NARS2: variants seen among roughly 807,000 people sequenced by gnomAD.
NARS2 encodes the protein asparaginyl-tRNA synthetase 2, mitochondrial, also known as asparaginyl-tRNA synthetase.
NARS2 carries 60 observed loss-of-function variants against 62.9 expected under a neutral mutation model. The ratio of observed to expected loss-of-function variants is 0.95; its 90% confidence interval spans 0.77 to 1.18. The LOEUF is 1.18. Among genes scored for constraint, NARS2 ranks in the 50% most tolerant of loss-of-function variants. The pLI is 0.00. For synonymous variants in NARS2, 196 were observed against 200.0 expected (o/e 0.98, Z 0.17); for missense variants, 619 against 576.4 (o/e 1.07, Z -0.76).
intron 5 of NARS2, among the ~76,000 whole-genome samples, chr11:78,544,033 A>AAAAC (rs1249730219): frequency 2.0e-5 from 3 of 151,150 alleles, no homozygotes; most frequent in Non-Finnish European, 4.4e-5. Flanking sequence ...AAAAAAAAAA[A>AAAAC]AAAAAAACTC....
In NARS2 at chr11:78,574,548, T is replaced by G. The variant is rs536218472; in HGVS notation, c.-60A>C. ...CAGACCCCACGGTTCGAACCCCGCCTGCAGCGGCCCTCCTTTCTCAGCTGC... is the reference window on the plus strand; with the variant it reads ...CAGACCCCACGGTTCGAACCCCGCCGGCAGCGGCCCTCCTTTCTCAGCTGC... On this transcript the variant is annotated 5_prime_UTR_variant, in exon 1 of 14. Coordinates refer to ENST00000281038, the MANE Select transcript of NARS2 (RefSeq NM_024678.6). The G allele has an allele frequency of 2.6e-6, 4 of 1,510,828 alleles. No homozygotes were observed. The highest frequency in any genetic ancestry group is 3.5e-6 in the Non-Finnish European group (4 of 1,131,624). The allele number at this position is 1,510,828 out of a possible 1,614,324, so 93.6% of individuals were successfully genotyped here. A position where few individuals can be genotyped will look rare whatever the true frequency, so the allele number is the denominator to read the frequency against.
At chr11:78,525,484 A>C (rs1452596109) in intron 6 of NARS2, among the ~76,000 whole-genome samples, 3 of 152,194 alleles carry the variant, frequency 2.0e-5, no homozygotes, top group Non-Finnish European at 2.9e-5. Flanking sequence ...ACAAAAACTA[A>C]AACAGTTTTA....
Position 78,502,917 on chromosome 11 carries a change from C to T in NARS2, c.690-9722G>A, listed in dbSNP as rs551045741. On this transcript the variant is annotated intron_variant, in intron 6 of 13. Transcript: ENST00000281038. ...GCTGAGGCACAAGAATTGCTTGAACCCAGGAGGCGGAGGTTGCAGTGAGCC... is the reference window on the plus strand; with the variant it reads ...GCTGAGGCACAAGAATTGCTTGAACTCAGGAGGCGGAGGTTGCAGTGAGCC... Among the ~76,000 whole-genome samples the T allele has an allele frequency of 2.1e-5, 3 of 140,092 alleles. No individual in the cohort carries two copies. In the South Asian group the frequency reaches 6.7e-4, roughly 31 times the overall value. 91.9% of individuals were successfully genotyped at this position (140,092 alleles called of 152,430 possible). A position where few individuals can be genotyped will look rare whatever the true frequency, so the allele number is the denominator to read the frequency against.
intron 11 of NARS2, among the ~76,000 whole-genome samples, chr11:78,454,882 G>A (rs1446758801): frequency 6.6e-6 from 1 of 152,162 alleles, no homozygotes; most frequent in African/African-American, 2.4e-5. Context: ...CTCCCAAAGT[G>A]CTGGGATCAC....
chr11:78,474,990 CTT>C (rs1200894314), intron 9 of NARS2, among the ~76,000 whole-genome samples: 6 of 151,998 alleles, frequency 3.9e-5, no homozygotes, highest in African/African-American at 1.5e-4. Flanking sequence ...ATTATGGTCA[CTT>C]TGTTATGCAA....
At chr11:78,459,380 C>T (rs2135189729) in intron 11 of NARS2, among the ~76,000 whole-genome samples, 1 of 151,196 alleles carries the variant, frequency 6.6e-6, no homozygotes, top group East Asian at 1.9e-4. Flanking sequence ...AAGCGATTCT[C>T]CTGCCTAAGC....
chr11:78,495,373 A>C (rs889305482), intron 6 of NARS2, among the ~76,000 whole-genome samples: 3 of 152,096 alleles, frequency 2.0e-5, no homozygotes, highest in African/African-American at 7.2e-5. Context: ...ATCCTTCAAT[A>C]CTTGGCTCAA....
In NARS2 at chr11:78,552,797, C is replaced by T. The variant is rs145629898; in HGVS notation, c.594+6742G>A. Among the ~76,000 whole-genome samples, 148 of 152,256 alleles carry T rather than the reference C, an allele frequency of 9.7e-4. 1 individual carries two copies. Among genetic ancestry groups the T allele is most frequent in the African/African-American group, 3.4e-3 (140 of 41,544 alleles). On this transcript the variant is annotated intron_variant, in intron 5 of 13. Transcript: ENST00000281038. ...CCCTAAAATGTATAAAACCAAGCTG[C>T]ACTCGGACCACCTTGGGCACATGTC...
chr11:78,563,909 T>TTAC (rs1856653023), intron 4 of NARS2, among the ~76,000 whole-genome samples: 2 of 136,770 alleles, frequency 1.5e-5, no homozygotes, highest in African/African-American at 5.4e-5. Context: ...ATTATTATTA[T>TTAC]TATTATTATT....
chr11:78,487,597 A>G (rs1450920028), intron 7 of NARS2, among the ~76,000 whole-genome samples: 1 of 152,168 alleles, frequency 6.6e-6, no homozygotes, highest in Non-Finnish European at 1.5e-5. Flanking sequence ...ATATTCAAGG[A>G]GCTCACTAAA....
chr11:78,544,526 G>A (rs1855770324), intron 5 of NARS2, among the ~76,000 whole-genome samples: 1 of 152,206 alleles, frequency 6.6e-6, no homozygotes, highest in Non-Finnish European at 1.5e-5. Context: ...GAGCGCAGTA[G>A]CTCATGCCTG....
At chr11:78,523,182 C>T (rs553913129) in intron 6 of NARS2, among the ~76,000 whole-genome samples, 13 of 152,164 alleles carry the variant, frequency 8.5e-5, no homozygotes, top group African/African-American at 2.4e-4. Flanking sequence ...CATGGAAAGA[C>T]GCTCCACACC....
intron 7 of NARS2, among the ~76,000 whole-genome samples, chr11:78,490,818 CTAAGT>C (rs1406366157): frequency 2.0e-5 from 3 of 152,052 alleles, no homozygotes; most frequent in East Asian, 1.9e-4. Flanking sequence ...ATTTTAAACC[CTAAGT>C]TTAGATTGAA....
chr11:78,439,692 G>T (rs1857516778), intron 13 of NARS2, among the ~76,000 whole-genome samples: 1 of 151,994 alleles, frequency 6.6e-6, no homozygotes, highest in Non-Finnish European at 1.5e-5. Flanking sequence ...AGATTTTTTT[G>T]CATCTCTGAA....
intron 7 of NARS2, among the ~76,000 whole-genome samples, chr11:78,483,862 G>T (rs1286129779): frequency 6.6e-6 from 1 of 152,192 alleles, no homozygotes; most frequent in Middle Eastern, 3.4e-3. Flanking sequence ...AGCTACCACT[G>T]ACTTTCTTCA....
intron 9 of NARS2, 87 bp from the exon 10 acceptor site, chr11:78,469,400 C>G: frequency 1.1e-6 from 1 of 874,296 alleles, no homozygotes; most frequent in Non-Finnish European, 1.9e-6. Flanking sequence ...AAGCGTACTC[C>G]TATATCACAC....
At position 78,574,001 on chromosome 11, in the gene NARS2, G is replaced by A. The variant is rs1438318027; in HGVS notation, c.141+347C>T. On this transcript the variant is annotated intron_variant, in intron 1 of 13. Transcript: ENST00000281038. ...CAAAGGCAGGTAAGACACGGTTTCT[G>A]CTCTCAAGGAGGGAGGTCAAGACAA... 2.0e-5 allele frequency among the ~76,000 whole-genome samples: 3 copies of A among 152,216 alleles called. No individual in the cohort carries two copies. In the East Asian group the frequency reaches 5.8e-4, roughly 29 times the overall value.
In NARS2 at chr11:78,436,572, A is replaced by G. The variant is rs531692627; in HGVS notation, c.*98T>C. On this transcript the variant is annotated 3_prime_UTR_variant, in exon 14 of 14. Coordinates refer to ENST00000281038, the MANE Select transcript of NARS2 (RefSeq NM_024678.6). ...TATGGCACAACAATTACATATTGAA[A>G]TCTGCATTTCTAAAATCCAAACATG... The G allele has an allele frequency of 3.9e-6, 5 of 1,291,052 alleles. No individual in the cohort carries two copies. The South Asian group carries it at 7.3e-5, about 19-fold the overall frequency. 80.0% of individuals were successfully genotyped at this position (1,291,052 alleles called of 1,614,324 possible). A position where few individuals can be genotyped will look rare whatever the true frequency, so the allele number is the denominator to read the frequency against.
intron 6 of NARS2, among the ~76,000 whole-genome samples, chr11:78,504,727 T>C (rs773937188): frequency 4.6e-5 from 7 of 152,198 alleles, no homozygotes; most frequent in African/African-American, 1.7e-4. Context: ...CTACAGCCTA[T>C]GAGGCATTTC....
Sources: allele counts gnomAD v4.1 joint callset (sites outside exome capture counted in the v4.1 genomes callset), GRCh38; gene constraint gnomAD v4.1.1; transcripts MANE v1.5; gene names NCBI Gene and HGNC (gene_info 2026-07-23, HGNC 2026-07-21).